GAS6: variants seen among roughly 807,000 people sequenced by gnomAD.
GAS6 encodes the protein growth arrest-specific protein 6.
GAS6 carries 41 observed loss-of-function variants against 75.8 expected under a neutral mutation model. That is an observed-to-expected ratio of 0.54 (90% CI 0.42 to 0.70). GAS6 has a LOEUF of 0.70. Among genes scored for constraint, GAS6 ranks in the 30% least tolerant of loss-of-function variants. The pLI is 0.00. For missense variants in GAS6, 854 were observed against 940.2 expected (o/e 0.91, Z 1.20); for synonymous variants, 432 against 412.6 (o/e 1.05, Z -0.57).
Position 113,838,117 on chromosome 13 carries a change from A to T in GAS6, c.541T>A (p.Ser181Thr), listed in dbSNP as rs746464338. ...CHNKPGSFHC[S>T]CHSGFELSSD... ...GAGAGCTCGAAGCCGCTGTGGCAGG[A>T]ACAGTGGAAGCTACCCGGCTTGTTG... The change falls in exon 6 of 15, where the codon TCC becomes ACC. Residue 181 changes from serine (S) to threonine (T), a missense_variant. Coordinates refer to ENST00000327773, the MANE Select transcript of GAS6 (RefSeq NM_000820.4). 6.2e-7 allele frequency: 1 copy of T among 1,612,692 alleles called. No individual in the cohort carries two copies. The highest frequency in any genetic ancestry group is 1.7e-4 in the Middle Eastern group (1 of 6,056).
chr13:113,833,382 A>G (rs2051654025), intron 8 of GAS6: 1 of 993,356 alleles, frequency 1.0e-6, no homozygotes. Flanking sequence ...CCCAGACCCA[A>G]GAGCCCCACG....
At chr13:113,827,431 TAAGGTCA>T (rs1311068962) in intron 11 of GAS6, among the ~76,000 whole-genome samples, 1 of 152,362 alleles carries the variant, frequency 6.6e-6, no homozygotes, top group Admixed American at 6.5e-5. Flanking sequence ...CATGTGGGTC[TAAGGTCA>T]AAGAGTATGG....
At chr13:113,821,608 A>G (rs2051459643) in intron 14 of GAS6, 1 of 316,886 alleles carries the variant, frequency 3.2e-6, no homozygotes. Flanking sequence ...CTGCGGTGAC[A>G]GCCGCGGGTC....
Position 113,863,808 on chromosome 13 carries a change from G to A in GAS6, c.88+25C>T. 1 of 1,384,116 alleles carries A rather than the reference G, an allele frequency of 7.2e-7. No homozygotes were observed. The highest frequency in any genetic ancestry group is 9.2e-7 in the Non-Finnish European group (1 of 1,081,294). 85.7% of individuals were successfully genotyped at this position (1,384,116 alleles called of 1,614,324 possible). The stretch of plus-strand genomic sequence containing the variant: ...GAGCCTCCTCCCGCCGCCCGGGGAC[G>A]GGGTCTCGGGCCCGCGGGACTCACC... On this transcript the variant is annotated intron_variant, in intron 1 of 14. Coordinates refer to ENST00000327773, the MANE Select transcript of GAS6 (RefSeq NM_000820.4). This position sits in a 1 kb window ranked among gnomAD's most constrained non-coding sequence, Gnocchi z 9.4.
chr13:113,828,793 T>C (rs1424253496), intron 10 of GAS6, 82 bp from the exon 11 acceptor site: 1 of 1,488,728 alleles, frequency 6.7e-7, no homozygotes, highest in Non-Finnish European at 9.2e-7. Context: ...ACACTCATCC[T>C]CTCCTGAGCC....
intron 12 of GAS6, among the ~76,000 whole-genome samples, chr13:113,824,426 G>A: frequency 6.6e-6 from 1 of 151,040 alleles, no homozygotes; most frequent in South Asian, 2.1e-4. Flanking sequence ...ATGCGGTCTG[G>A]GGTCTGAGCT....
At chr13:113,829,856 A>G (rs922496012) in intron 10 of GAS6, among the ~76,000 whole-genome samples, 10 of 135,936 alleles carry the variant, frequency 7.4e-5, no homozygotes, top group East Asian at 2.3e-4. Flanking sequence ...TCCTCACCTG[A>G]GCCAAGAGGG....
Position 113,828,704 on chromosome 13 carries a change from A to G in GAS6, c.1151T>C (p.Val384Ala). The G allele has an allele frequency of 6.2e-7, 1 of 1,613,214 alleles. No homozygotes were observed. Among genetic ancestry groups the G allele is most frequent in the Non-Finnish European group, 8.5e-7 (1 of 1,179,894 alleles). The stretch of plus-strand genomic sequence containing the variant: ...GACCAGATTCCGCGCCAGCTCCTCA[A>G]CAGAGATCTGAAGAGAGGCAGCGCC... ...INHGMWQTIS[V>A]EELARNLVIK... The change falls in exon 11 of 15, where the codon GTT becomes GCT. Residue 384 changes from valine (V) to alanine (A), a missense_variant. Val to Ala is a moderately conservative substitution (Grantham distance 64, BLOSUM62 0). Coordinates refer to ENST00000327773, the MANE Select transcript of GAS6 (RefSeq NM_000820.4).
At chr13:113,833,624 GGT>G (rs2051657771) in intron 8 of GAS6, 1 of 1,013,746 alleles carries the variant, frequency 9.9e-7, no homozygotes, top group Admixed American at 6.1e-5. Flanking sequence ...GTGACAGGTC[GGT>G]GTGACAGGCA....
chr13:113,823,220 G>C, intron 13 of GAS6, 155 bp downstream of exon 13: 2 of 790,596 alleles, frequency 2.5e-6, no homozygotes, highest in Admixed American at 6.6e-5. Context: ...CCGAAGCGTG[G>C]CCCACGCCGG....
chr13:113,842,423 A>T, intron 4 of GAS6: 1 of 394,990 alleles, frequency 2.5e-6, no homozygotes. Context: ...GACCAGGACC[A>T]GGGATTCTGC....
Position 113,824,657 on chromosome 13 carries a change from C to G in GAS6, c.1478-1107G>C, listed in dbSNP as rs541937898. On this transcript the variant is annotated intron_variant, in intron 12 of 14. Coordinates refer to ENST00000327773, the MANE Select transcript of GAS6 (RefSeq NM_000820.4). The stretch of plus-strand genomic sequence containing the variant: ...GTGACTGGGCGCCTCGCACTGCAGG[C>G]CAAGGTTGGGGTCAGAGTGAATTGT... Among the ~76,000 whole-genome samples the G allele has an allele frequency of 1.5e-4, 23 of 152,300 alleles. 1 individual carries two copies. In the South Asian group the frequency reaches 4.8e-3, roughly 32 times the overall value.
Position 113,846,563 on chromosome 13 carries a change from A to G in GAS6, c.307T>C (p.Tyr103His). The change falls in exon 4 of 15, where the codon TAC becomes CAC. Residue 103 changes from tyrosine (Y) to histidine (H), a missense_variant. By Grantham distance (83) the Tyr-to-His change is moderately conservative. Transcript: ENST00000327773. Reference sequence around the variant, plus strand: ...GTGGCGAAGCCTGAGTTTTTGGTGTACGGAGACCCATACTTGTTGATGCAG... The same window carrying G: ...GTGGCGAAGCCTGAGTTTTTGGTGTGCGGAGACCCATACTTGTTGATGCAG... Reference protein sequence around the residue: ...LDCINKYGSPYTKNSGFATCV... With the variant: ...LDCINKYGSPHTKNSGFATCV... 2 of 1,614,066 alleles carry G rather than the reference A, an allele frequency of 1.2e-6. No individual in the cohort carries two copies. The highest frequency in any genetic ancestry group is 1.7e-6 in the Non-Finnish European group (2 of 1,179,996).
rs113058697 is a variant in GAS6, at chr13:113,843,306, G to A, written c.343+3221C>T. 3.4e-4 allele frequency: 53 copies of A among 154,676 alleles called. 7 individuals are homozygous for A. The highest frequency in any genetic ancestry group is 1.1e-3 in the African/African-American group (46 of 40,734). The allele number at this position is 154,676 out of a possible 1,614,324, so 9.6% of individuals were successfully genotyped here. A position where few individuals can be genotyped will look rare whatever the true frequency, so the allele number is the denominator to read the frequency against. ...TTATCTCAGCTTGGCCCATGACTGC[G>A]TTGAAGGACAGGAGGGAGCGGCTGT... On this transcript the variant is annotated intron_variant, in intron 4 of 14. Transcript: ENST00000327773.
chr13:113,828,025 C>T (rs1307790346), intron 11 of GAS6, among the ~76,000 whole-genome samples: 1 of 152,168 alleles, frequency 6.6e-6, no homozygotes, highest in Non-Finnish European at 1.5e-5. Flanking sequence ...CCTGTAATCC[C>T]AGCACTTTGG....
At chr13:113,858,158 T>C (rs957724863) in intron 2 of GAS6, among the ~76,000 whole-genome samples, 2 of 152,256 alleles carry the variant, frequency 1.3e-5, no homozygotes, top group Non-Finnish European at 2.9e-5. Flanking sequence ...GTCAGTGGTC[T>C]TCTGACCCCA....
At chr13:113,830,358 C>A in intron 10 of GAS6, among the ~76,000 whole-genome samples, 1 of 151,878 alleles carries the variant, frequency 6.6e-6, no homozygotes, top group South Asian at 2.1e-4. Context: ...CACTGCAACA[C>A]CGCTCCCCCA....
intron 3 of GAS6, 135 bp from the exon 4 acceptor site, chr13:113,846,724 C>G: frequency 1.4e-6 from 1 of 703,304 alleles, no homozygotes; most frequent in Non-Finnish European, 2.5e-6. Context: ...GAAACAATGC[C>G]GCTTAGCTTG....
At position 113,820,916 on chromosome 13, in the gene GAS6, T is replaced by G; in HGVS notation, c.1985A>C (p.His662Pro). 1 of 1,612,260 alleles carries G rather than the reference T, an allele frequency of 6.2e-7. No homozygotes were observed. The highest frequency in any genetic ancestry group is 8.5e-7 in the Non-Finnish European group (1 of 1,179,870). The change falls in exon 15 of 15, where the codon CAC (histidine) becomes CCC (proline). Residue 662 changes from histidine to proline, a missense_variant. Transcript: ENST00000327773. ...GCAGGAGTGGGCCGTGATGTCGCTG[T>G]GCTTGTACGCCGCCTCGTCCAGGTC... ...LLDLDEAAYKHSDITAHSCPP... is the reference protein window; with the variant it reads ...LLDLDEAAYKPSDITAHSCPP...
Sources: gnomAD v4.1 joint callset for allele counts (sites outside exome capture counted in the v4.1 genomes callset) on GRCh38, gnomAD v4.1.1 for gene constraint, Gnocchi (gnomAD v3.1) non-coding constraint, MANE v1.5 for transcripts, NCBI Gene and HGNC (gene_info 2026-07-23, HGNC 2026-07-21) for gene names.